Variants in PCDHA4 observed in about 807,000 individuals in gnomAD.
PCDHA4 encodes the protein protocadherin alpha 4.
PCDHA4 carries 49 observed loss-of-function variants against 61.4 expected under a neutral mutation model. The observed-to-expected ratio is 0.80, with a 90% CI of 0.63 to 1.01. The LOEUF (loss-of-function observed/expected upper bound fraction) is 1.01. PCDHA4 is among the 50% of genes least tolerant of loss of function. The probability of loss-of-function intolerance (pLI) is 0.00; values close to 1 mark genes in which losing one functional copy is unlikely to be tolerated. For missense variants in PCDHA4, 1,254 were observed against 1,235.8 expected (o/e 1.01, Z -0.22); for synonymous variants, 590 against 550.3 (o/e 1.07, Z -1.01).
At chr5:140,924,902 A>T (rs1484044152) in intron 1 of PCDHA4, among the ~76,000 whole-genome samples, 1 of 39,026 alleles carries the variant, frequency 2.6e-5, no homozygotes, top group African/African-American at 7.6e-5. Context: ...CTCAAAAAAA[A>T]AAATAAAATA....
chr5:140,873,734 C>T (rs2054463877), intron 1 of PCDHA4, among the ~76,000 whole-genome samples: 1 of 152,178 alleles, frequency 6.6e-6, no homozygotes, highest in African/African-American at 2.4e-5. Flanking sequence ...AATCTCAGCT[C>T]ACTGCAATCT....
chr5:140,825,441 A>T, intron 1 of PCDHA4: 1 of 147,966 alleles, frequency 6.8e-6, no homozygotes, highest in Non-Finnish European at 1.5e-5. Flanking sequence ...ATATAATAAT[A>T]ATATATATCA....
intron 1 of PCDHA4, chr5:140,848,942 C>A (rs1417497577): frequency 6.2e-7 from 1 of 1,607,226 alleles, no homozygotes; most frequent in African/African-American, 1.4e-5. Flanking sequence ...GGCCGCTTGA[C>A]TCTCGGTTTC....
intron 1 of PCDHA4, chr5:140,848,435 A>G: frequency 6.8e-7 from 1 of 1,473,142 alleles, no homozygotes; most frequent in Non-Finnish European, 9.3e-7. Flanking sequence ...TGACGAAATC[A>G]GATGATTTCT....
intron 3 of PCDHA4, among the ~76,000 whole-genome samples, chr5:141,000,383 C>G (rs1324907388): frequency 4.7e-5 from 3 of 63,178 alleles, no homozygotes; most frequent in South Asian, 1.1e-3. Flanking sequence ...CTCTCTCTCT[C>G]TCTCTCTCTC....
At chr5:140,869,799 C>T (rs781959839) in intron 1 of PCDHA4, 1 of 1,612,706 alleles carries the variant, frequency 6.2e-7, no homozygotes, top group Non-Finnish European at 8.5e-7. Flanking sequence ...TAGTCCAAGT[C>T]TTGGATGTCA....
At chr5:140,867,556 A>G (rs578116609) in intron 1 of PCDHA4, 33 of 152,264 alleles carry the variant, frequency 2.2e-4, no homozygotes, top group African/African-American at 7.5e-4. Flanking sequence ...TACACATATG[A>G]TAACTTTTTC....
At chr5:140,850,446 G>A (rs2150484747) in intron 1 of PCDHA4, 1 of 1,598,030 alleles carries the variant, frequency 6.3e-7, no homozygotes, top group Non-Finnish European at 8.6e-7. Context: ...ACTGGTGCTG[G>A]TGAAAGACCA....
chr5:140,841,710 C>G (rs2150321322), intron 1 of PCDHA4: 2 of 1,613,856 alleles, frequency 1.2e-6, no homozygotes, highest in African/African-American at 1.3e-5. Context: ...AATGACAACC[C>G]GCCAGTGTTC....
intron 1 of PCDHA4, chr5:140,830,000 C>A: frequency 6.2e-7 from 1 of 1,613,984 alleles, no homozygotes; most frequent in South Asian, 1.1e-5. Context: ...CACTCGTGTC[C>A]TGGACGAAGC....
rs561284006 is a variant in PCDHA4, at chr5:140,905,585, T to G, written c.2386-73364T>G. 2.0e-5 allele frequency among the ~76,000 whole-genome samples: 3 copies of G among 152,306 alleles called. No individual in the cohort carries two copies. The East Asian group carries it at 5.8e-4, about 29-fold the overall frequency. On this transcript the variant is annotated intron_variant, in intron 1 of 3. Coordinates refer to ENST00000530339, the MANE Select transcript of PCDHA4 (RefSeq NM_018907.4). ...AGTCATGTGAAGAATGATAATGATATTTTGCTGGGAATTGCATTGAATCTA... is the reference window on the plus strand; with the variant it reads ...AGTCATGTGAAGAATGATAATGATAGTTTGCTGGGAATTGCATTGAATCTA...
At chr5:140,818,501 A>G (rs1442047621) in intron 1 of PCDHA4, among the ~76,000 whole-genome samples, 1 of 152,242 alleles carries the variant, frequency 6.6e-6, no homozygotes, top group African/African-American at 2.4e-5. Flanking sequence ...CTTGGATTTT[A>G]AAATCAGATA....
chr5:140,833,532 G>C (rs2150209285), intron 1 of PCDHA4, among the ~76,000 whole-genome samples: 1 of 152,154 alleles, frequency 6.6e-6, no homozygotes, highest in Non-Finnish European at 1.5e-5. Context: ...ACACACAAGT[G>C]TTCGAAAGGA....
chr5:140,879,390 A>T (rs2057972127), intron 1 of PCDHA4, among the ~76,000 whole-genome samples: 1 of 152,202 alleles, frequency 6.6e-6, no homozygotes, highest in Admixed American at 6.5e-5. Context: ...TTGGAGAAAC[A>T]GTTTGTGTGT....
intron 1 of PCDHA4, among the ~76,000 whole-genome samples, chr5:140,845,131 G>A (rs1779712441): frequency 6.7e-6 from 1 of 149,158 alleles, no homozygotes; most frequent in South Asian, 2.1e-4. Flanking sequence ...CATTTTATTT[G>A]ACTATTTGAA....
At chr5:140,899,193 G>T (rs2153463118) in intron 1 of PCDHA4, among the ~76,000 whole-genome samples, 1 of 151,990 alleles carries the variant, frequency 6.6e-6, no homozygotes, top group Middle Eastern at 3.4e-3. Context: ...TCCTTCTCCT[G>T]CCTAATTGCC....
At chr5:140,990,705 G>A (rs2097408066) in intron 3 of PCDHA4, among the ~76,000 whole-genome samples, 1 of 152,132 alleles carries the variant, frequency 6.6e-6, no homozygotes, top group Non-Finnish European at 1.5e-5. Flanking sequence ...AGATTTATGG[G>A]GATAAGAGCA....
intron 1 of PCDHA4, among the ~76,000 whole-genome samples, chr5:140,890,952 G>C (rs555852578): frequency 1.9e-4 from 29 of 152,236 alleles, no homozygotes; most frequent in African/African-American, 7.0e-4. Context: ...GGTGAGGAAT[G>C]ATTTCAGGTT....
At chr5:140,976,518 A>G (rs2096720750) in intron 1 of PCDHA4, among the ~76,000 whole-genome samples, 1 of 152,070 alleles carries the variant, frequency 6.6e-6, no homozygotes, top group Admixed American at 6.6e-5. Flanking sequence ...GCCACTGCAC[A>G]CCAGCCTAAA....
Sources: gnomAD v4.1 joint callset for allele counts (sites outside exome capture counted in the v4.1 genomes callset) on GRCh38, gnomAD v4.1.1 for gene constraint, MANE v1.5 for transcripts, NCBI Gene and HGNC (gene_info 2026-07-23, HGNC 2026-07-21) for gene names.